Variants in LSAMP observed in about 807,000 individuals in gnomAD.
LSAMP encodes the protein limbic system-associated membrane protein.
A neutral mutation model predicts 38.6 loss-of-function variants in LSAMP; 7 were observed. The observed-to-expected ratio is 0.18, with a 90% CI of 0.10 to 0.34. The LOEUF is 0.34. LSAMP is among the 10% of genes least tolerant of loss of function. The pLI, the probability that LSAMP is intolerant of heterozygous loss-of-function variation, is 1.00. For missense variants in LSAMP, 313 were observed against 420.0 expected, an observed-to-expected ratio of 0.75 and a Z score of 2.23; for synonymous variants, 154 against 166.8, an observed-to-expected ratio of 0.92 and a Z score of 0.59.
intron 3 of LSAMP, among the ~76,000 whole-genome samples, chr3:115,973,846 C>T (rs1263411876): frequency 6.6e-6 from 1 of 152,082 alleles, no homozygotes; most frequent in Non-Finnish European, 1.5e-5. Context: ...GTGTTAAGTA[C>T]TTGTGTGTGA....
At chr3:116,427,834 A>G (rs913183417) in intron 1 of LSAMP, among the ~76,000 whole-genome samples, 4 of 152,122 alleles carry the variant, frequency 2.6e-5, no homozygotes, top group African/African-American at 7.2e-5. Context: ...TGGCAATTTC[A>G]TCAAACTCAC....
At chr3:116,225,721 GA>G (rs1393510992) in intron 1 of LSAMP, among the ~76,000 whole-genome samples, 1 of 151,140 alleles carries the variant, frequency 6.6e-6, no homozygotes, top group East Asian at 1.9e-4. Context: ...TTAAGCCTAG[GA>G]ATTGAATATT....
chr3:116,143,758 T>C (rs1176255962), intron 1 of LSAMP, among the ~76,000 whole-genome samples: 1 of 151,944 alleles, frequency 6.6e-6, no homozygotes, highest in African/African-American at 2.4e-5. Context: ...ATCTTCTCTA[T>C]TGTTTTCTTA....
chr3:116,101,675 C>A (rs1044247316), intron 1 of LSAMP, among the ~76,000 whole-genome samples: 14 of 152,062 alleles, frequency 9.2e-5, no homozygotes, highest in Non-Finnish European at 1.5e-4. Context: ...GTTTTGTATT[C>A]TTTAACAAAT....
At chr3:116,248,142 A>C (rs2107645311) in intron 1 of LSAMP, among the ~76,000 whole-genome samples, 1 of 152,338 alleles carries the variant, frequency 6.6e-6, no homozygotes, top group Non-Finnish European at 1.5e-5. Flanking sequence ...CCCTATTTCT[A>C]CAAGCTCCCA....
chr3:116,005,062 G>A (rs1200946685), intron 3 of LSAMP, among the ~76,000 whole-genome samples: 2 of 152,216 alleles, frequency 1.3e-5, no homozygotes, highest in East Asian at 1.9e-4. Context: ...TAGTAGCAGT[G>A]GGTAGTAATA....
intron 3 of LSAMP, among the ~76,000 whole-genome samples, chr3:115,979,523 G>A (rs1460266160): frequency 6.6e-6 from 1 of 152,106 alleles, no homozygotes; most frequent in African/African-American, 2.4e-5. Flanking sequence ...GGCTTTGAAG[G>A]TTCTATGATT....
At chr3:116,119,926 T>C (rs1207093965) in intron 1 of LSAMP, among the ~76,000 whole-genome samples, 1 of 152,164 alleles carries the variant, frequency 6.6e-6, no homozygotes, top group Non-Finnish European at 1.5e-5. Flanking sequence ...CCCAAAGTGC[T>C]GGGATTACAG....
At chr3:116,185,022 CTTTCTTTCT>C (rs374554898) in intron 1 of LSAMP, among the ~76,000 whole-genome samples, 1,579 of 119,926 alleles carry the variant, frequency 0.013, 16 homozygotes, top group Non-Finnish European at 0.02. Context: ...TTCTTTCTTT[CTTTCTTTCT>C]TTTTTTTTTT....
chr3:115,929,611 G>A (rs564383512), intron 3 of LSAMP, among the ~76,000 whole-genome samples: 1 of 152,126 alleles, frequency 6.6e-6, no homozygotes, highest in South Asian at 2.1e-4. Context: ...TTAAACAAGT[G>A]TCTAACCTTA....
intron 2 of LSAMP, among the ~76,000 whole-genome samples, chr3:116,031,629 G>A (rs938753234): frequency 2.3e-5 from 3 of 131,662 alleles, no homozygotes; most frequent in South Asian, 2.4e-4. Context: ...ATGTAGAGAC[G>A]GAGGTAGATT....
chr3:116,315,184 C>T (rs997299197), intron 1 of LSAMP, among the ~76,000 whole-genome samples: 3 of 152,152 alleles, frequency 2.0e-5, no homozygotes, highest in Admixed American at 1.3e-4. Context: ...TTACCCATAT[C>T]CCAGTTTCTA....
chr3:116,304,757 T>C (rs1383656305), intron 1 of LSAMP, among the ~76,000 whole-genome samples: 2 of 152,116 alleles, frequency 1.3e-5, no homozygotes, highest in African/African-American at 4.8e-5. Context: ...TGATGTGCAC[T>C]TAAACTAAGG....
At chr3:116,353,097 G>C (rs1415970046) in intron 1 of LSAMP, among the ~76,000 whole-genome samples, 2 of 152,040 alleles carry the variant, frequency 1.3e-5, no homozygotes, top group Non-Finnish European at 2.9e-5. Context: ...TGATTAGCTA[G>C]GATCTGACCT....
chr3:115,945,859 T>C (rs2107567766), intron 3 of LSAMP, among the ~76,000 whole-genome samples: 1 of 152,330 alleles, frequency 6.6e-6, no homozygotes, highest in African/African-American at 2.4e-5. Context: ...TTTGAGTTCT[T>C]ATTGACATTA....
At chr3:116,161,835 T>C (rs9872625) in intron 1 of LSAMP, among the ~76,000 whole-genome samples, 75,241 of 151,856 alleles carry the variant, frequency 0.5, 20,832 homozygotes, top group East Asian at 0.74. Flanking sequence ...AGAAGCCTCA[T>C]ATTCATTGGA....
chr3:115,934,481 A>G (rs796130282), intron 3 of LSAMP, among the ~76,000 whole-genome samples: 36 of 152,222 alleles, frequency 2.4e-4, no homozygotes, highest in African/African-American at 7.7e-4. Flanking sequence ...TCAGTCCTGT[A>G]GTTGATATGG....
chr3:116,133,588 C>G (rs957422304), intron 1 of LSAMP, among the ~76,000 whole-genome samples: 1 of 152,130 alleles, frequency 6.6e-6, no homozygotes, highest in African/African-American at 2.4e-5. Context: ...TCTGAGATTA[C>G]AGGCATTAGC....
intron 2 of LSAMP, among the ~76,000 whole-genome samples, chr3:116,042,583 C>T (rs560499845): frequency 1.3e-5 from 2 of 152,114 alleles, no homozygotes; most frequent in African/African-American, 4.8e-5. Context: ...GCACATGCCA[C>T]CATGCCCGGT....
Sources: allele counts gnomAD v4.1 joint callset (sites outside exome capture counted in the v4.1 genomes callset), GRCh38; gene constraint gnomAD v4.1.1; transcripts MANE v1.5; gene names NCBI Gene and HGNC (gene_info 2026-07-23, HGNC 2026-07-21).